Variants in TMOD3 observed in about 807,000 individuals in gnomAD.
TMOD3 encodes the protein tropomodulin 3.
Under a neutral mutation model 39.2 loss-of-function variants are expected in TMOD3, and 20 were observed. That is an observed-to-expected ratio of 0.51 (90% CI 0.36 to 0.74). The LOEUF (loss-of-function observed/expected upper bound fraction) is 0.74. Ranked by LOEUF, TMOD3 falls within the 30% of genes least tolerant of loss-of-function variation. TMOD3 has a pLI of 0.00. For missense variants in TMOD3, 381 were observed against 412.8 expected, an observed-to-expected ratio of 0.92 and a Z score of 0.67; for synonymous variants, 143 against 145.8, an observed-to-expected ratio of 0.98 and a Z score of 0.14.
rs920286292 is a variant in TMOD3, at chr15:51,912,783, C to G, written c.*3973C>G. The stretch of plus-strand genomic sequence containing the variant: ...ACATATGGATGCACTAGAGACAACT[C>G]GGGTTGCTGCTCTCAGTTAAGGGCT... On this transcript the variant is annotated 3_prime_UTR_variant, in exon 10 of 10. Coordinates refer to ENST00000308580, the MANE Select transcript of TMOD3 (RefSeq NM_014547.5). The G allele has an allele frequency of 6.6e-6, 1 of 152,148 alleles. No individual in the cohort carries two copies. The highest frequency in any genetic ancestry group is 2.4e-5 in the African/African-American group (1 of 41,430). 9.4% of individuals were successfully genotyped at this position (152,148 alleles called of 1,614,324 possible).
At chr15:51,859,740 G>T (rs927630918) in intron 1 of TMOD3, 10 of 491,896 alleles carry the variant, frequency 2.0e-5, no homozygotes, top group African/African-American at 2.0e-4. Flanking sequence ...GAGTCAATCA[G>T]CACATGCACC....
intron 1 of TMOD3, among the ~76,000 whole-genome samples, chr15:51,852,356 G>T (rs1322697781): frequency 6.6e-6 from 1 of 151,764 alleles, no homozygotes; most frequent in East Asian, 1.9e-4. Context: ...CTGAAGAGAA[G>T]GCCTCCAGCA....
intron 3 of TMOD3, among the ~76,000 whole-genome samples, chr15:51,881,625 A>T (rs576831454): frequency 3.0e-4 from 40 of 133,930 alleles, no homozygotes; most frequent in Non-Finnish European, 5.6e-4. Context: ...GCAATGGCAC[A>T]ATCTCGGCTC....
At chr15:51,850,219 G>A (rs1216172651) in intron 1 of TMOD3, among the ~76,000 whole-genome samples, 1 of 152,144 alleles carries the variant, frequency 6.6e-6, no homozygotes, top group Admixed American at 6.5e-5. Flanking sequence ...GTGTGCTAAT[G>A]GGCATGGTCC....
intron 7 of TMOD3, among the ~76,000 whole-genome samples, chr15:51,899,504 A>G (rs1206299355): frequency 6.6e-6 from 1 of 151,894 alleles, no homozygotes; most frequent in African/African-American, 2.4e-5. Flanking sequence ...CATCTCTACA[A>G]AAAATACAAA....
chr15:51,842,291 G>A lies in TMOD3; in HGVS notation c.-75+12455G>A, dbSNP rs138392718. Among the ~76,000 whole-genome samples, 399 of 152,224 alleles carry A rather than the reference G, an allele frequency of 2.6e-3. 7 individuals are homozygous for A. In the East Asian group the frequency reaches 0.051, roughly 19 times the overall value. Reference sequence around the variant, plus strand: ...TGGACTGCATGCTGCTTCTCCATAGGCGAATACCCTAGCTCATGTCACCAG... The same window carrying A: ...TGGACTGCATGCTGCTTCTCCATAGACGAATACCCTAGCTCATGTCACCAG... On this transcript the variant is annotated intron_variant, in intron 1 of 9. Transcript: ENST00000308580.
chr15:51,883,235 G>A (rs1335793400), intron 3 of TMOD3, among the ~76,000 whole-genome samples: 9 of 152,098 alleles, frequency 5.9e-5, no homozygotes, highest in Admixed American at 5.9e-4. Flanking sequence ...AGGTCCTTGG[G>A]AGTTTTGTTT....
chr15:51,897,703 T>C (rs1458709827), intron 7 of TMOD3, among the ~76,000 whole-genome samples: 3 of 147,586 alleles, frequency 2.0e-5, no homozygotes, highest in Non-Finnish European at 4.4e-5. Flanking sequence ...CAGGCTGGTC[T>C]CGAGCTCCTG....
chr15:51,902,659 T>G (rs1295739766), intron 9 of TMOD3, among the ~76,000 whole-genome samples: 1 of 136,840 alleles, frequency 7.3e-6, no homozygotes, highest in Non-Finnish European at 1.5e-5. Flanking sequence ...TTTTTTTTTT[T>G]TTTTTTTTGA....
In TMOD3 at chr15:51,901,962, A is replaced by T; in HGVS notation, c.950A>T (p.Lys317Ile). ...KMLEENTNIL[K>I]FGYQFTQQGP... is the part of the protein sequence containing the mutation. The stretch of plus-strand genomic sequence containing the variant: ...CTTGAGGAAAATACAAATATCCTTA[A>T]ATTTGGATATCAGTTTACACAGCAG... Residue 317 changes from lysine (K) to isoleucine (I), a missense_variant, in exon 9 of 10, where the codon AAA becomes ATA. Lys to Ile is a moderately radical substitution (Grantham distance 102). Coordinates refer to ENST00000308580, the MANE Select transcript of TMOD3 (RefSeq NM_014547.5). 1.2e-6 allele frequency: 2 copies of T among 1,614,110 alleles called. No individual in the cohort carries two copies. The highest frequency in any genetic ancestry group is 1.7e-6 in the Non-Finnish European group (2 of 1,179,994).
intron 9 of TMOD3, among the ~76,000 whole-genome samples, chr15:51,902,872 C>G (rs1020103364): frequency 6.6e-6 from 1 of 151,966 alleles, no homozygotes; most frequent in African/African-American, 2.4e-5. Flanking sequence ...AGGATGGTCT[C>G]GATCTCCTGA....
chr15:51,883,895 T>G lies in TMOD3; in HGVS notation c.284-3694T>G, dbSNP rs543953521. On this transcript the variant is annotated intron_variant, in intron 3 of 9. Transcript: ENST00000308580. ...CAATTAAAATTATGCCCCCCTGAAA[T>G]GTATACCACTTTAATTGTAATCTCA... Among the ~76,000 whole-genome samples, 5 of 152,340 alleles carry G rather than the reference T, an allele frequency of 3.3e-5. No homozygotes were observed. In the East Asian group the frequency reaches 9.6e-4, roughly 29 times the overall value.
intron 9 of TMOD3, among the ~76,000 whole-genome samples, chr15:51,908,560 C>T (rs1049524246): frequency 2.6e-5 from 4 of 151,432 alleles, no homozygotes; most frequent in African/African-American, 9.7e-5. Flanking sequence ...TTTGTTGAAG[C>T]CCCTTGGTTC....
intron 2 of TMOD3, among the ~76,000 whole-genome samples, chr15:51,865,116 A>G (rs1566857936): frequency 6.6e-6 from 1 of 152,092 alleles, no homozygotes; most frequent in East Asian, 1.9e-4. Context: ...CCTCCTATGT[A>G]GCTAGGACTA....
chr15:51,871,716 A>G (rs2056475725), intron 3 of TMOD3, among the ~76,000 whole-genome samples: 1 of 152,252 alleles, frequency 6.6e-6, no homozygotes, highest in Admixed American at 6.5e-5. Flanking sequence ...GGAAAAGGAT[A>G]GAGGTGAGGA....
chr15:51,881,129 C>G (rs2056531185), intron 3 of TMOD3, among the ~76,000 whole-genome samples: 1 of 152,136 alleles, frequency 6.6e-6, no homozygotes, highest in African/African-American at 2.4e-5. Context: ...GAAATGGAGT[C>G]TTGCTATGCA....
chr15:51,886,755 T>G (rs898736913), intron 3 of TMOD3, among the ~76,000 whole-genome samples: 1 of 152,130 alleles, frequency 6.6e-6, no homozygotes, highest in Non-Finnish European at 1.5e-5. Context: ...GTAACTAGTT[T>G]CTTAATAGCT....
intron 5 of TMOD3, among the ~76,000 whole-genome samples, chr15:51,893,311 A>T (rs1421780309): frequency 6.6e-6 from 1 of 150,778 alleles, no homozygotes; most frequent in African/African-American, 2.4e-5. Context: ...AAAAAAAAAA[A>T]AAAAAAAAAA....
At position 51,893,892 on chromosome 15, in the gene TMOD3, A is replaced by G. The variant is rs2056608046; in HGVS notation, c.574A>G (p.Arg192Gly). Residue 192 changes from arginine to glycine, a missense_variant, in exon 6 of 10, where the codon AGA becomes GGA. By Grantham distance (125) the Arg-to-Gly change is moderately radical. Transcript: ENST00000308580. ...NPTNVEESLKRTKENDAHLVE... is the reference protein window; with the variant it reads ...NPTNVEESLKGTKENDAHLVE... ...AACCAATGTAGAAGAGAGTTTGAAG[A>G]GAACTAAAGAAAACGATGCTCATCT... 6.2e-7 allele frequency: 1 copy of G among 1,610,030 alleles called. No homozygotes were observed. Among genetic ancestry groups the G allele is most frequent in the Non-Finnish European group, 8.5e-7 (1 of 1,177,810 alleles).
Sources: allele counts gnomAD v4.1 joint callset (sites outside exome capture counted in the v4.1 genomes callset), GRCh38; gene constraint gnomAD v4.1.1; transcripts MANE v1.5; gene names NCBI Gene and HGNC (gene_info 2026-07-23, HGNC 2026-07-21).